The following LAMA4 variants were observed in gnomAD, a reference collection of about 807,000 sequenced individuals.
LAMA4 encodes the protein laminin subunit alpha 4.
In LAMA4, 127 loss-of-function variants were observed where a neutral mutation model predicts 207.1. That is an observed-to-expected ratio of 0.61 (90% CI 0.53 to 0.71). LAMA4 has a LOEUF of 0.71. Among genes scored for constraint, LAMA4 ranks in the 30% least tolerant of loss-of-function variants. The pLI is 0.00. For synonymous variants in LAMA4, 761 were observed against 816.0 expected (o/e 0.93, Z 1.15); for missense variants, 2,093 against 2,246.5 (o/e 0.93, Z 1.38).
At chr6:112,223,043 T>G (rs1389163261) in intron 2 of LAMA4, among the ~76,000 whole-genome samples, 1 of 152,202 alleles carries the variant, frequency 6.6e-6, no homozygotes, top group Non-Finnish European at 1.5e-5. Context: ...TCCTTTGGTT[T>G]TTCTAGAAAT....
chr6:112,201,656 G>C lies in LAMA4; in HGVS notation c.455C>G (p.Ala152Gly), dbSNP rs138802750. ...FAESCYRKNG[A>G]VRCICNENYA... ...ATTTTCGTTACAAATGCACCGAACA[G>C]CTCCATTTTTCCTATAGCAGGATTC... The change falls in exon 5 of 39, where the codon GCT (alanine) becomes GGT (glycine). Residue 152 changes from alanine to glycine, a missense_variant. Coordinates refer to ENST00000230538, the MANE Select transcript of LAMA4 (RefSeq NM_001105206.3). 1 of 1,613,912 alleles carries C rather than the reference G, an allele frequency of 6.2e-7. No homozygotes were observed. The highest frequency in any genetic ancestry group is 2.2e-5 in the East Asian group (1 of 44,880).
chr6:112,191,106 A>T (rs1783093592), intron 6 of LAMA4, among the ~76,000 whole-genome samples: 1 of 151,482 alleles, frequency 6.6e-6, no homozygotes, highest in Admixed American at 6.6e-5. Context: ...GGTTCAAGGG[A>T]TGCTGGGTGG....
At chr6:112,188,168 G>A (rs201020308) in intron 7 of LAMA4, among the ~76,000 whole-genome samples, 10 of 152,172 alleles carry the variant, frequency 6.6e-5, no homozygotes, top group Non-Finnish European at 1.2e-4. Context: ...GCCTGTTCCC[G>A]ATCTCTTTCC....
intron 32 of LAMA4, 124 bp from the exon 33 acceptor site, chr6:112,120,596 C>T (rs1285523233): frequency 5.5e-6 from 4 of 729,696 alleles, no homozygotes; most frequent in Non-Finnish European, 7.1e-6. Flanking sequence ...TCCCAAGCAA[C>T]ATTATTCCAC....
rs900768884 is a variant in LAMA4, at chr6:112,174,268, G to A, written c.1357+1045C>T. Among the ~76,000 whole-genome samples the A allele has an allele frequency of 2.0e-5, 3 of 152,182 alleles. No homozygotes were observed. The South Asian group carries it at 6.2e-4, about 32-fold the overall frequency. ...TGCTTTTCATTCTTGCTCTCTTAAA[G>A]CTGCCGTTATGTGAACAACCTGGAC... On this transcript the variant is annotated intron_variant, in intron 11 of 38. Coordinates refer to ENST00000230538, the MANE Select transcript of LAMA4 (RefSeq NM_001105206.3).
At chr6:112,149,660 C>G (rs1780256424) in intron 17 of LAMA4, among the ~76,000 whole-genome samples, 1 of 152,172 alleles carries the variant, frequency 6.6e-6, no homozygotes, top group Non-Finnish European at 1.5e-5. Flanking sequence ...TTATAAATTA[C>G]CCAGTGTTGG....
At chr6:112,154,968 G>A in intron 15 of LAMA4, 21 bp from the exon 16 acceptor site, 1 of 1,517,914 alleles carries the variant, frequency 6.6e-7, no homozygotes, top group Non-Finnish European at 9.1e-7. Flanking sequence ...ATTGAGAGAA[G>A]AGGGTAAAAA....
intron 22 of LAMA4, among the ~76,000 whole-genome samples, chr6:112,140,096 G>A (rs1431213143): frequency 1.3e-5 from 2 of 152,142 alleles, no homozygotes; most frequent in Non-Finnish European, 2.9e-5. Context: ...GATTTACTGA[G>A]CATAGATTAT....
rs782574915 is a variant in LAMA4, at chr6:112,155,657, C to T, written c.1867G>A (p.Ala623Thr). 2.1e-5 allele frequency: 34 copies of T among 1,613,748 alleles called. No individual in the cohort carries two copies. The highest frequency in any genetic ancestry group is 2.6e-5 in the Non-Finnish European group (31 of 1,179,758). Residue 623 changes from alanine to threonine, a missense_variant, in exon 15 of 39, where the codon GCA (alanine) becomes ACA (threonine). Around this residue, in one of 3 missense-constraint regions of LAMA4, gnomAD observed 1,704 missense variants for 1,788.4 expected, o/e 0.95. Transcript: ENST00000230538. ...ACAATATTTTCATAGACATTTGATG[C>T]ATCCAAAGCCTTCTGTACCAGCCCG... ...MNGLVQKALD[A>T]SNVYENIVNY...
upstream of LAMA4, chr6:112,254,589 T>G: frequency 4.5e-6 from 1 of 220,338 alleles, no homozygotes; most frequent in Non-Finnish European, 9.1e-6. Flanking sequence ...CACCACTCCC[T>G]TTTTACCTTC....
chr6:112,216,835 T>G (rs1784654501), intron 2 of LAMA4: 1 of 329,572 alleles, frequency 3.0e-6, no homozygotes, highest in Middle Eastern at 1.1e-3. Context: ...AGACCACAAT[T>G]AAGTATTAGT....
chr6:112,169,488 A>C (rs1781589049), intron 12 of LAMA4, among the ~76,000 whole-genome samples: 1 of 152,250 alleles, frequency 6.6e-6, no homozygotes, highest in Non-Finnish European at 1.5e-5. Flanking sequence ...CAGACCCACA[A>C]ATAAATCCCT....
At position 112,144,872 on chromosome 6, in the gene LAMA4, C is replaced by T; in HGVS notation, c.2415G>A (p.Lys805=). 1.9e-6 allele frequency: 3 copies of T among 1,614,020 alleles called. No individual in the cohort carries two copies. Among genetic ancestry groups the T allele is most frequent in the Non-Finnish European group, 2.5e-6 (3 of 1,179,996 alleles). ...LLDQLRTVEQ[K]RPASNVSASI... ...TGGCAGAAACGTTGCTTGCAGGTCGCTTCTGCTCAACCGTACGAAGCTGAT... is the reference window on the plus strand; with the variant it reads ...TGGCAGAAACGTTGCTTGCAGGTCGTTTCTGCTCAACCGTACGAAGCTGAT... The change falls in exon 19 of 39, where the codon AAG becomes AAA. Residue 805 remains lysine, a synonymous_variant. Transcript: ENST00000230538.
At chr6:112,240,295 A>G (rs1350463437) in intron 2 of LAMA4, among the ~76,000 whole-genome samples, 1 of 152,002 alleles carries the variant, frequency 6.6e-6, no homozygotes, top group Non-Finnish European at 1.5e-5. Flanking sequence ...GTAGGTGTAT[A>G]TATTTATGTG....
intron 12 of LAMA4, among the ~76,000 whole-genome samples, chr6:112,165,794 G>T (rs889231182): frequency 2.0e-5 from 3 of 152,118 alleles, no homozygotes; most frequent in Non-Finnish European, 4.4e-5. Context: ...TTTTAATCTT[G>T]CTTCATACCT....
At position 112,117,908 on chromosome 6, in the gene LAMA4, G is replaced by C. The variant is rs1778121146; in HGVS notation, c.4822-10C>G. On this transcript the variant is annotated splice_polypyrimidine_tract_variant and intron_variant, in intron 34 of 38. Transcript: ENST00000230538. This position sits in a 1 kb window ranked among gnomAD's most constrained non-coding sequence, Gnocchi z 4.5. Reference sequence around the variant, plus strand: ...TGTAGATGGAGTTAATCTGAGGGAAGAAGATATTTCTTAAAATCAATTTTC... The same window carrying C: ...TGTAGATGGAGTTAATCTGAGGGAACAAGATATTTCTTAAAATCAATTTTC... The C allele has an allele frequency of 6.2e-7, 1 of 1,611,836 alleles. No individual in the cohort carries two copies. The highest frequency in any genetic ancestry group is 8.5e-7 in the Non-Finnish European group (1 of 1,178,488).
intron 16 of LAMA4, among the ~76,000 whole-genome samples, chr6:112,154,357 C>CAAAAAA (rs55988988): frequency 3.7e-4 from 45 of 120,204 alleles, no homozygotes; most frequent in African/African-American, 7.6e-4. Flanking sequence ...ACACAAACTA[C>CAAAAAA]AAAAAAAAAA....
chr6:112,206,885 T>C (rs1253556612), intron 4 of LAMA4, 136 bp downstream of exon 4: 1 of 1,002,994 alleles, frequency 1.0e-6, no homozygotes. Flanking sequence ...TCTATATCTT[T>C]TCCAGTCTCA....
chr6:112,134,166 C>T (rs1779198851), intron 26 of LAMA4, among the ~76,000 whole-genome samples: 1 of 152,158 alleles, frequency 6.6e-6, no homozygotes, highest in Non-Finnish European at 1.5e-5. Flanking sequence ...GCTGTTTTGT[C>T]TTCACACAAT....
Sources: gnomAD v4.1 joint callset for allele counts (sites outside exome capture counted in the v4.1 genomes callset) on GRCh38, gnomAD v4.1.1 for gene constraint, gnomAD v4.1.1 regional missense constraint, Gnocchi (gnomAD v3.1) non-coding constraint, MANE v1.5 for transcripts, NCBI Gene and HGNC (gene_info 2026-07-23, HGNC 2026-07-21) for gene names.